Variants in EXD3 observed in about 807,000 individuals in gnomAD.
The protein encoded by EXD3 is exonuclease mut-7 homolog.
Under a neutral mutation model 98.0 loss-of-function variants are expected in EXD3, and 92 were observed. The ratio of observed to expected loss-of-function variants is 0.94; its 90% CI spans 0.79 to 1.12. EXD3 has a LOEUF of 1.12. EXD3 is among the 50% of genes most tolerant of loss of function. EXD3 has a pLI of 0.00. For synonymous variants in EXD3, 569 were observed against 526.0 expected, an observed-to-expected ratio of 1.08 and a Z score of -1.12; for missense variants, 1,222 against 1,191.6, an observed-to-expected ratio of 1.03 and a Z score of -0.38.
chr9:137,332,256 CA>C (rs1321746139), intron 17 of EXD3, among the ~76,000 whole-genome samples: 1 of 152,068 alleles, frequency 6.6e-6, no homozygotes, highest in African/African-American at 2.4e-5. Context: ...CTGTATGAAC[CA>C]AAAAAGAGCC....
chr9:137,354,528 C>A, intron 9 of EXD3, 151 bp from the exon 10 acceptor site: 2 of 1,534,832 alleles, frequency 1.3e-6, no homozygotes, highest in Admixed American at 3.9e-5. Context: ...GAGCCAGGGC[C>A]CCATGGCCTC....
intron 17 of EXD3, among the ~76,000 whole-genome samples, chr9:137,326,601 T>C (rs541483429): frequency 1.3e-5 from 2 of 152,132 alleles, no homozygotes; most frequent in African/African-American, 4.8e-5. Context: ...AATAAGCACA[T>C]GAAAAGATGC....
At chr9:137,315,747 CGGCCTGCCCT>C (rs1831613889) in intron 19 of EXD3, among the ~76,000 whole-genome samples, 1 of 152,020 alleles carries the variant, frequency 6.6e-6, no homozygotes, top group Non-Finnish European at 1.5e-5. Flanking sequence ...GTCAGATCCC[CGGCCTGCCCT>C]GGGCGGGCAG....
chr9:137,351,967 G>A lies in EXD3; in HGVS notation c.1173+99C>T. On this transcript the variant is annotated intron_variant, in intron 12 of 21. Transcript: ENST00000340951. ...GGCACCTGGCGGGCTCATGCCCAGA[G>A]GCCTTGCCTCTCTCCGAATGCCATG... The A allele has an allele frequency of 3.4e-6, 5 of 1,455,282 alleles. No homozygotes were observed. In the South Asian group the frequency reaches 4.1e-5, roughly 12 times the overall value. The allele number at this position is 1,455,282 out of a possible 1,614,324, so 90.1% of individuals were successfully genotyped here. A position where few individuals can be genotyped will look rare whatever the true frequency, so the allele number is the denominator to read the frequency against.
intron 17 of EXD3, among the ~76,000 whole-genome samples, chr9:137,327,849 CG>C (rs1832532957): frequency 1.8e-5 from 1 of 55,636 alleles, no homozygotes. Flanking sequence ...GTAAAAACAA[CG>C]AATATACTCC....
intron 7 of EXD3, chr9:137,366,087 G>A: frequency 1.5e-6 from 1 of 689,276 alleles, no homozygotes; most frequent in East Asian, 2.7e-5. Flanking sequence ...GCACCATATG[G>A]GCTCCTTGTC....
intron 19 of EXD3, among the ~76,000 whole-genome samples, chr9:137,320,594 G>A (rs74808802): frequency 0.025 from 3,772 of 152,252 alleles, 62 homozygotes; most frequent in African/African-American, 0.039. Context: ...GAGGCAGGGC[G>A]GACATGGGTC....
At chr9:137,326,588 GC>G (rs1382468425) in intron 17 of EXD3, among the ~76,000 whole-genome samples, 12 of 152,096 alleles carry the variant, frequency 7.9e-5, no homozygotes. Flanking sequence ...TATACGCGTG[GC>G]CAATAAGCAC....
chr9:137,365,991 C>T, intron 7 of EXD3: 1 of 572,844 alleles, frequency 1.7e-6, no homozygotes, highest in Non-Finnish European at 3.3e-6. Context: ...CACACATGCA[C>T]ACCTGCAGGC....
At chr9:137,382,863 C>A (rs563227991) in intron 3 of EXD3, among the ~76,000 whole-genome samples, 18 of 152,314 alleles carry the variant, frequency 1.2e-4, no homozygotes, top group African/African-American at 3.8e-4. Flanking sequence ...GGCCCTCCCT[C>A]TGTAGCCTCT....
At position 137,351,090 on chromosome 9, in the gene EXD3, TG is replaced by T; in HGVS notation, c.1441del (p.His481MetfsTer35). On this transcript the variant is annotated frameshift_variant, in exon 14 of 22. Coordinates refer to ENST00000340951, the MANE Select transcript of EXD3 (RefSeq NM_017820.5). LOFTEE classifies it high-confidence loss of function. Reference sequence around the variant, plus strand: ...GCCGCCCAGAATCTGCTTCTCCACATGGGCCAGGGCGGGGCAGGACGTGCCC... The same window carrying T: ...GCCGCCCAGAATCTGCTTCTCCACATGGCCAGGGCGGGGCAGGACGTGCCC... ...KLGTSCPALA[H>X]VEKQILGGMD... is the part of the protein sequence containing the mutation. 6.3e-7 allele frequency: 1 copy of T among 1,583,510 alleles called. No individual in the cohort carries two copies. The highest frequency in any genetic ancestry group is 1.2e-5 in the South Asian group (1 of 86,508).
In EXD3 at chr9:137,371,502, A is replaced by G. The variant is rs1448073410; in HGVS notation, c.462+1403T>C. On this transcript the variant is annotated intron_variant, in intron 5 of 21. Transcript: ENST00000340951. This position sits in a 1 kb window ranked among gnomAD's most constrained non-coding sequence, Gnocchi z 8.0. ...GGGGTCTTGCTGGGAAGAGGAACCCAGGGTGCCATCGGGACGGCGTCTCAG... is the reference window on the plus strand; with the variant it reads ...GGGGTCTTGCTGGGAAGAGGAACCCGGGGTGCCATCGGGACGGCGTCTCAG... 6.6e-6 allele frequency among the ~76,000 whole-genome samples: 1 copy of G among 152,064 alleles called. No individual in the cohort carries two copies. Among genetic ancestry groups the G allele is most frequent in the Non-Finnish European group, 1.5e-5 (1 of 67,972 alleles).
intron 17 of EXD3, among the ~76,000 whole-genome samples, chr9:137,334,867 G>C (rs1833273046): frequency 6.6e-6 from 1 of 152,098 alleles, no homozygotes; most frequent in Non-Finnish European, 1.5e-5. Context: ...CACGAGGTCA[G>C]GAGATCGAGA....
In EXD3 at chr9:137,366,727, C is replaced by T. The variant is rs755662415; in HGVS notation, c.517-95G>A. The T allele has an allele frequency of 6.1e-5, 88 of 1,452,738 alleles. No homozygotes were observed. In the South Asian group the frequency reaches 9.0e-4, roughly 15 times the overall value. 90.0% of individuals were successfully genotyped at this position (1,452,738 alleles called of 1,614,324 possible). A position where few individuals can be genotyped will look rare whatever the true frequency, so the allele number is the denominator to read the frequency against. On this transcript the variant is annotated intron_variant, in intron 6 of 21. Transcript: ENST00000340951. ...AGAGGGAGCGGCCAAAGTGTCAGAA[C>T]GAAAGGGGCCCAGAGGCCGTCCAGG...
chr9:137,367,624 G>C (rs1360203187), intron 6 of EXD3: 2 of 336,050 alleles, frequency 6.0e-6, no homozygotes, highest in African/African-American at 2.2e-5. Context: ...AAGCACATGG[G>C]CTGCGTGTCC....
intron 19 of EXD3, among the ~76,000 whole-genome samples, chr9:137,311,315 G>A (rs567595578): frequency 6.6e-6 from 1 of 152,364 alleles, no homozygotes; most frequent in Admixed American, 6.5e-5. Flanking sequence ...AGGTGTGTGG[G>A]TGGAGAGCCC....
chr9:137,343,749 C>T lies in EXD3; in HGVS notation c.1998+4322G>A, dbSNP rs146245782. On this transcript the variant is annotated intron_variant, in intron 17 of 21. Coordinates refer to ENST00000340951, the MANE Select transcript of EXD3 (RefSeq NM_017820.5). Reference sequence around the variant, plus strand: ...GAATACAGACGCCCGCCACCATGCCCGGCTACTTTTTTGTATTTTTAGTAG... The same window carrying T: ...GAATACAGACGCCCGCCACCATGCCTGGCTACTTTTTTGTATTTTTAGTAG... Among the ~76,000 whole-genome samples, 82 of 148,246 alleles carry T rather than the reference C, an allele frequency of 5.5e-4. 1 individual carries two copies. The East Asian group carries it at 0.014, about 25-fold the overall frequency.
rs576149772 is a variant in EXD3 at position 137,380,717 on chromosome 9, T to C, written c.120+2596A>G. Reference sequence around the variant, plus strand: ...GGTATCCCCCTTCCTCCCTGCTGGCTGGCATCCCCTGCACTGAGCTGTTGG... The same window carrying C: ...GGTATCCCCCTTCCTCCCTGCTGGCCGGCATCCCCTGCACTGAGCTGTTGG... On this transcript the variant is annotated intron_variant, in intron 3 of 21. Coordinates refer to ENST00000340951, the MANE Select transcript of EXD3 (RefSeq NM_017820.5). Among the ~76,000 whole-genome samples, 53 of 110,668 alleles carry C rather than the reference T, an allele frequency of 4.8e-4. No individual in the cohort carries two copies. The South Asian group carries it at 7.6e-3, about 16-fold the overall frequency. The allele number at this position is 110,668 out of a possible 152,430, so 72.6% of individuals were successfully genotyped here.
At chr9:137,409,764 C>G (rs1051767771) in intron 1 of EXD3, among the ~76,000 whole-genome samples, 16 of 152,244 alleles carry the variant, frequency 1.1e-4, no homozygotes, top group African/African-American at 3.9e-4. Flanking sequence ...CTGTCTGGAT[C>G]TCTCAGCATC....
Sources: allele counts gnomAD v4.1 joint callset (sites outside exome capture counted in the v4.1 genomes callset), GRCh38; gene constraint gnomAD v4.1.1; non-coding constraint Gnocchi (gnomAD v3.1); transcripts MANE v1.5; gene names NCBI Gene and HGNC (gene_info 2026-07-23, HGNC 2026-07-21).